The following NCAM2 variants were observed in gnomAD, a reference collection of about 807,000 sequenced individuals.
NCAM2 encodes neural cell adhesion molecule 2.
Under a neutral mutation model 98.1 loss-of-function variants are expected in NCAM2, and 30 were observed. That is an observed-to-expected ratio of 0.31 (90% CI 0.23 to 0.41). The LOEUF (loss-of-function observed/expected upper bound fraction) is 0.41, where lower values mean the gene tolerates loss of function less well. NCAM2 is among the 10% of genes least tolerant of loss of function. The pLI is 1.00. For synonymous variants in NCAM2, 368 were observed against 342.4 expected, an observed-to-expected ratio of 1.07 and a Z score of -0.83; for missense variants, 867 against 1,005.8, an observed-to-expected ratio of 0.86 and a Z score of 1.87.
chr21:21,028,689 A>G (rs542004785), intron 1 of NCAM2, among the ~76,000 whole-genome samples: 1 of 152,358 alleles, frequency 6.6e-6, no homozygotes, highest in African/African-American at 2.4e-5. Flanking sequence ...ATTGGCACAC[A>G]AAATGCCCTA....
At chr21:21,192,872 C>T (rs2068868978) in intron 1 of NCAM2, among the ~76,000 whole-genome samples, 1 of 152,012 alleles carries the variant, frequency 6.6e-6, no homozygotes, top group Non-Finnish European at 1.5e-5. Context: ...TTTCCTGGAC[C>T]AGAACACCAG....
intron 9 of NCAM2, among the ~76,000 whole-genome samples, chr21:21,392,377 G>A (rs567800963): frequency 1.3e-5 from 2 of 152,164 alleles, no homozygotes; most frequent in Non-Finnish European, 2.9e-5. Context: ...TTGAATCCAT[G>A]TCTTTGCTAT....
Position 21,174,505 on chromosome 21 carries a change from A to C in NCAM2, c.56-106073A>C, listed in dbSNP as rs1053117616. Among the ~76,000 whole-genome samples the C allele has an allele frequency of 1.3e-5, 2 of 152,190 alleles. 1 individual carries two copies. The highest frequency in any genetic ancestry group is 4.8e-5 in the African/African-American group (2 of 41,456). ...GTGAGACAGCTTGGGACAGACAAGG[A>C]TCAGCATCATTTTTGCCACATGACT... On this transcript the variant is annotated intron_variant, in intron 1 of 17. Transcript: ENST00000400546.
At chr21:21,262,660 A>AG (rs1346942514) in intron 1 of NCAM2, among the ~76,000 whole-genome samples, 2 of 143,714 alleles carry the variant, frequency 1.4e-5, no homozygotes, top group Non-Finnish European at 3.0e-5. Flanking sequence ...CAATCAGTCA[A>AG]AAAAAAAAAA....
chr21:21,193,950 C>T (rs955629795), intron 1 of NCAM2, among the ~76,000 whole-genome samples: 7 of 152,064 alleles, frequency 4.6e-5, no homozygotes, highest in African/African-American at 1.7e-4. Flanking sequence ...CTTGATGATA[C>T]TTTTTTACTG....
chr21:21,398,193 A>G (rs1602219488), intron 9 of NCAM2, among the ~76,000 whole-genome samples: 1 of 152,200 alleles, frequency 6.6e-6, no homozygotes, highest in South Asian at 2.1e-4. Flanking sequence ...GTTCATACTC[A>G]TAAGTGGGAA....
chr21:21,052,497 A>G (rs2065130673), intron 1 of NCAM2, among the ~76,000 whole-genome samples: 1 of 152,012 alleles, frequency 6.6e-6, no homozygotes, highest in African/African-American at 2.4e-5. Flanking sequence ...TGACTTCTAT[A>G]TGTCTCTCTA....
rs185127559 is a variant in NCAM2, at chr21:21,442,128, G to A, written c.1654+9847G>A. Among the ~76,000 whole-genome samples, 3 of 152,168 alleles carry A rather than the reference G, an allele frequency of 2.0e-5. No homozygotes were observed. The East Asian group carries it at 5.8e-4, about 29-fold the overall frequency. Reference sequence around the variant, plus strand: ...TTCTGGTTTTTAGAGGCAGTCCTTTGGGGTGTTTTGTGTAGAGTATAATGA... The same window carrying A: ...TTCTGGTTTTTAGAGGCAGTCCTTTAGGGTGTTTTGTGTAGAGTATAATGA... On this transcript the variant is annotated intron_variant, in intron 12 of 17. Transcript: ENST00000400546.
At chr21:21,482,583 A>G (rs930294985) in intron 15 of NCAM2, among the ~76,000 whole-genome samples, 3 of 151,844 alleles carry the variant, frequency 2.0e-5, no homozygotes, top group African/African-American at 7.2e-5. Context: ...TTTGTAAACA[A>G]TAGGGTAAGT....
At chr21:21,277,261 T>C (rs974337427) in intron 1 of NCAM2, among the ~76,000 whole-genome samples, 2 of 152,120 alleles carry the variant, frequency 1.3e-5, no homozygotes, top group Admixed American at 1.3e-4. Context: ...TATTATTAGT[T>C]TGGGAGAAAT....
At chr21:21,405,264 A>G (rs1388682994) in intron 9 of NCAM2, among the ~76,000 whole-genome samples, 1 of 152,086 alleles carries the variant, frequency 6.6e-6, no homozygotes, top group Non-Finnish European at 1.5e-5. Flanking sequence ...AAAAAATGTG[A>G]AAAAAGCATA....
chr21:21,405,257 A>G (rs1334909286), intron 9 of NCAM2, among the ~76,000 whole-genome samples: 1 of 152,058 alleles, frequency 6.6e-6, no homozygotes, highest in South Asian at 2.1e-4. Context: ...TCAATGAAAA[A>G]AATGTGAAAA....
At chr21:21,204,504 T>C (rs1480825317) in intron 1 of NCAM2, among the ~76,000 whole-genome samples, 1 of 152,250 alleles carries the variant, frequency 6.6e-6, no homozygotes, top group African/African-American at 2.4e-5. Flanking sequence ...GTAAATAACA[T>C]TTTCAAACTT....
intron 1 of NCAM2, among the ~76,000 whole-genome samples, chr21:21,071,829 A>G (rs2146366360): frequency 6.6e-6 from 1 of 152,338 alleles, no homozygotes; most frequent in Non-Finnish European, 1.5e-5. Flanking sequence ...AATGTTAGCT[A>G]CATAATAAAG....
intron 15 of NCAM2, among the ~76,000 whole-genome samples, chr21:21,483,302 G>A (rs1394991578): frequency 6.6e-6 from 1 of 151,772 alleles, no homozygotes; most frequent in African/African-American, 2.4e-5. Context: ...AAATAATTCT[G>A]CCCTCTGGGA....
chr21:21,153,272 C>G (rs980214401), intron 1 of NCAM2, among the ~76,000 whole-genome samples: 3 of 150,010 alleles, frequency 2.0e-5, no homozygotes, highest in Non-Finnish European at 4.5e-5. Context: ...TTGTTTGACT[C>G]TTTCAGATCT....
chr21:21,106,629 T>C (rs952255276), intron 1 of NCAM2, among the ~76,000 whole-genome samples: 3 of 151,744 alleles, frequency 2.0e-5, no homozygotes, highest in African/African-American at 7.3e-5. Context: ...TTTAGGTCTT[T>C]AGAAAACATT....
intron 12 of NCAM2, among the ~76,000 whole-genome samples, chr21:21,457,309 CAT>C (rs773420050): frequency 1.2e-4 from 18 of 152,130 alleles, no homozygotes; most frequent in Middle Eastern, 3.4e-3. Flanking sequence ...AAAATTATGA[CAT>C]GTGTTGGACA....
chr21:21,438,811 G>T (rs998993931), intron 12 of NCAM2, among the ~76,000 whole-genome samples: 1 of 151,920 alleles, frequency 6.6e-6, no homozygotes, highest in Admixed American at 6.6e-5. Context: ...GGCCAGGCAT[G>T]GTGGCTCACG....
Sources: allele counts gnomAD v4.1 joint callset (sites outside exome capture counted in the v4.1 genomes callset), GRCh38; gene constraint gnomAD v4.1.1; transcripts MANE v1.5; gene names NCBI Gene and HGNC (gene_info 2026-07-23, HGNC 2026-07-21).